The following RBPJ variants were observed in gnomAD, a reference collection of about 807,000 sequenced individuals.
The protein encoded by RBPJ is recombining binding protein suppressor of hairless.
RBPJ carries 9 observed loss-of-function variants against 67.8 expected under a neutral mutation model. That is an observed-to-expected ratio of 0.13 (90% CI 0.08 to 0.23). The LOEUF is 0.23. Among genes scored for constraint, RBPJ ranks in the 10% least tolerant of loss-of-function variants. RBPJ has a pLI of 1.00. For synonymous variants in RBPJ, 198 were observed against 203.3 expected, an observed-to-expected ratio of 0.97 and a Z score of 0.22; for missense variants, 305 against 595.6, an observed-to-expected ratio of 0.51 and a Z score of 5.08.
chr4:26,195,413 C>T (rs1717720890), intron 1 of RBPJ, among the ~76,000 whole-genome samples: 1 of 152,108 alleles, frequency 6.6e-6, no homozygotes, highest in Admixed American at 6.5e-5. Context: ...AAGCTATGAT[C>T]ACACCACTGC....
intron 1 of RBPJ, among the ~76,000 whole-genome samples, chr4:26,329,894 C>CA (rs532266121): frequency 0.017 from 1,942 of 115,096 alleles, 32 homozygotes; most frequent in African/African-American, 0.041. Context: ...ACTCTGTCTC[C>CA]AAAAAAAAAA....
At chr4:26,173,147 T>C (rs1057210286) in intron 1 of RBPJ, among the ~76,000 whole-genome samples, 1 of 152,138 alleles carries the variant, frequency 6.6e-6, no homozygotes, top group Non-Finnish European at 1.5e-5. Flanking sequence ...TCTTTTTTTC[T>C]TTTTTTGAGA....
chr4:26,199,511 C>G (rs1717905913), intron 1 of RBPJ, among the ~76,000 whole-genome samples: 1 of 152,178 alleles, frequency 6.6e-6, no homozygotes. Flanking sequence ...GAACACAGGA[C>G]AACGCCTCTG....
the RBPJ span, among the ~76,000 whole-genome samples, chr4:26,148,084 AAAG>A: frequency 3.3e-5 from 5 of 152,188 alleles, no homozygotes; most frequent in South Asian, 2.1e-4. Flanking sequence ...GAGGACATGG[AAAG>A]AAGAAGAAGA....
chr4:26,253,788 GT>G (rs1254048070), intron 1 of RBPJ, among the ~76,000 whole-genome samples: 3 of 148,626 alleles, frequency 2.0e-5, no homozygotes, highest in African/African-American at 7.9e-5. Flanking sequence ...CTGGAAACTT[GT>G]TTTTGTATTT....
At chr4:26,270,776 A>T (rs1471367942) in intron 1 of RBPJ, among the ~76,000 whole-genome samples, 1 of 152,090 alleles carries the variant, frequency 6.6e-6, no homozygotes, top group Non-Finnish European at 1.5e-5. Flanking sequence ...CTATGATGTA[A>T]ACTGACAGTA....
the RBPJ span, among the ~76,000 whole-genome samples, chr4:26,146,882 C>T: frequency 9.9e-3 from 1,502 of 152,330 alleles, 20 homozygotes; most frequent in African/African-American, 0.034. Context: ...AGCAATCAGG[C>T]ACCTGAAGAT....
chr4:26,181,724 T>C (rs1370801594), intron 1 of RBPJ, among the ~76,000 whole-genome samples: 1 of 152,242 alleles, frequency 6.6e-6, no homozygotes, highest in Non-Finnish European at 1.5e-5. Flanking sequence ...TGTAGGTAAT[T>C]GGAACACAAT....
intron 1 of RBPJ, among the ~76,000 whole-genome samples, chr4:26,194,499 G>T (rs1465290174): frequency 6.6e-6 from 1 of 152,198 alleles, no homozygotes; most frequent in Non-Finnish European, 1.5e-5. Flanking sequence ...GAGGAAACTA[G>T]GTTCATGAAG....
At chr4:26,296,043 T>TG (rs1386051887) in intron 1 of RBPJ, among the ~76,000 whole-genome samples, 1 of 152,194 alleles carries the variant, frequency 6.6e-6, no homozygotes, top group East Asian at 1.9e-4. Context: ...TAAATGTGAA[T>TG]GGAGAGAAAG....
In RBPJ at chr4:26,430,012, C is replaced by T; in HGVS notation, c.1003C>T (p.Leu335Phe). 6.2e-7 allele frequency: 1 copy of T among 1,614,092 alleles called. No homozygotes were observed. The highest frequency in any genetic ancestry group is 8.5e-7 in the Non-Finnish European group (1 of 1,180,006). The change falls in exon 9 of 11, where the codon CTT becomes TTT. Residue 335 changes from leucine (L) to phenylalanine (F), a missense_variant. Physicochemically the swap from Leu to Phe is conservative, Grantham distance 22. Coordinates refer to ENST00000355476, the MANE Select transcript of RBPJ (RefSeq NM_015874.6). The surrounding 1 kb of genome is among the most constrained non-coding windows in gnomAD (Gnocchi z 4.1). ...YTFYEGMGPV[L>F]APVTPVPVVE... The stretch of plus-strand genomic sequence containing the variant: ...ATTTTATGAGGGAATGGGCCCTGTC[C>T]TTGCCCCAGTCACTCCTGTGCCTGT...
In RBPJ at chr4:26,210,314, A is replaced by G. The variant is rs184087990; in HGVS notation, c.-167+46700A>G. Reference sequence around the variant, plus strand: ...ATCCCCTCCTCTTCACTAAACCTCTAGTTAGGAGAATTTCTATTTGGTGTG... The same window carrying G: ...ATCCCCTCCTCTTCACTAAACCTCTGGTTAGGAGAATTTCTATTTGGTGTG... On this transcript the variant is annotated intron_variant, in intron 1 of 4. Transcript: ENST00000512351. Among the ~76,000 whole-genome samples, 151 of 152,228 alleles carry G rather than the reference A, an allele frequency of 9.9e-4. 1 individual carries two copies. Among genetic ancestry groups the G allele is most frequent in the African/African-American group, 3.5e-3 (145 of 41,536 alleles).
chr4:26,204,367 T>C (rs1718095519), intron 1 of RBPJ, among the ~76,000 whole-genome samples: 1 of 152,218 alleles, frequency 6.6e-6, no homozygotes, highest in African/African-American at 2.4e-5. Flanking sequence ...GTGTCGCCTT[T>C]GAAGACAGGA....
At chr4:26,170,918 A>G (rs1560195949) in intron 1 of RBPJ, among the ~76,000 whole-genome samples, 1 of 152,188 alleles carries the variant, frequency 6.6e-6, no homozygotes, top group Non-Finnish European at 1.5e-5. Context: ...CCTTTGCACA[A>G]TTGCTTCAAG....
chr4:26,343,911 C>G (rs191963889), intron 1 of RBPJ, among the ~76,000 whole-genome samples: 2 of 151,898 alleles, frequency 1.3e-5, no homozygotes, highest in African/African-American at 2.4e-5. Flanking sequence ...CCACCACACT[C>G]GGCTAATTTT....
chr4:26,365,471 A>G (rs1200600053), intron 1 of RBPJ, among the ~76,000 whole-genome samples: 2 of 152,230 alleles, frequency 1.3e-5, no homozygotes, highest in Non-Finnish European at 2.9e-5. Context: ...AAATAAATTC[A>G]GTGGGTTATG....
In RBPJ at chr4:26,209,167, C is replaced by T. The variant is rs544412786; in HGVS notation, c.-167+45553C>T. Among the ~76,000 whole-genome samples, 70 of 151,436 alleles carry T rather than the reference C, an allele frequency of 4.6e-4. 1 individual carries two copies. In the South Asian group the frequency reaches 7.3e-3, roughly 16 times the overall value. ...CTCAACATGGCCTATTTCAAGCTAC[C>T]GGCATGATGTCAACTGGCTTGCAAA... On this transcript the variant is annotated intron_variant, in intron 1 of 4. Coordinates refer to the RBPJ transcript ENST00000512351.
intron 1 of RBPJ, among the ~76,000 whole-genome samples, chr4:26,257,924 G>T (rs1015264847): frequency 6.6e-6 from 1 of 152,210 alleles, no homozygotes; most frequent in African/African-American, 2.4e-5. Context: ...ACTTCACCAG[G>T]TTATGGCTAT....
intron 1 of RBPJ, chr4:26,362,505 T>C: frequency 1.3e-6 from 2 of 1,551,450 alleles, no homozygotes; most frequent in Non-Finnish European, 1.7e-6. Flanking sequence ...GGAACCATTA[T>C]GATCTCAAAA....
Sources: allele counts gnomAD v4.1 joint callset (sites outside exome capture counted in the v4.1 genomes callset), GRCh38; gene constraint gnomAD v4.1.1; non-coding constraint Gnocchi (gnomAD v3.1); transcripts MANE v1.5; gene names NCBI Gene and HGNC (gene_info 2026-07-23, HGNC 2026-07-21).